UHMK1: variants seen among roughly 807,000 people sequenced by gnomAD.
UHMK1 encodes the protein serine/threonine-protein kinase Kist.
In UHMK1, 18 loss-of-function variants were observed where a neutral mutation model predicts 44.0. The ratio of observed to expected loss-of-function variants is 0.41; its 90% confidence interval spans 0.28 to 0.61. UHMK1 has a LOEUF of 0.61. Among genes scored for constraint, UHMK1 ranks in the 20% least tolerant of loss-of-function variants. The pLI, the probability that UHMK1 is intolerant of heterozygous loss-of-function variation, is 0.31. For synonymous variants in UHMK1, 231 were observed against 198.5 expected, an observed-to-expected ratio of 1.16 and a Z score of -1.38; for missense variants, 463 against 522.5, an observed-to-expected ratio of 0.89 and a Z score of 1.11.
chr1:162,517,846 C>T (rs1651887149), intron 6 of UHMK1, among the ~76,000 whole-genome samples: 1 of 151,880 alleles, frequency 6.6e-6, no homozygotes, highest in South Asian at 2.1e-4. Flanking sequence ...CACTGCACTC[C>T]AGCCTGGGGG....
Position 162,522,519 on chromosome 1 carries a change from A to G in UHMK1, c.1229A>G (p.Lys410Arg), listed in dbSNP as rs200173141. The change falls in exon 8 of 8, where the codon AAG (lysine) becomes AGG (arginine). Residue 410 changes from lysine to arginine, a missense_variant. By Grantham distance (26) the Lys-to-Arg change is conservative (BLOSUM62 2). This residue lies in a region of UHMK1 where 8 missense variants were observed against 20.2 expected (regional missense o/e 0.40). Transcript: ENST00000489294. ...VATFYPLSAY[K>R]RGYLYQTLL ...ACATTCTACCCGCTGAGTGCCTACAAGAGGGGATATCTGTATCAAACCTTG... is the reference window on the plus strand; with the variant it reads ...ACATTCTACCCGCTGAGTGCCTACAGGAGGGGATATCTGTATCAAACCTTG... The G allele has an allele frequency of 6.8e-6, 11 of 1,614,080 alleles. No individual in the cohort carries two copies. The highest frequency in any genetic ancestry group is 1.1e-5 in the South Asian group (1 of 91,078).
chr1:162,513,250 T>G (rs1212019280), intron 6 of UHMK1, among the ~76,000 whole-genome samples: 1 of 152,236 alleles, frequency 6.6e-6, no homozygotes, highest in Non-Finnish European at 1.5e-5. Flanking sequence ...CTCTCACTTT[T>G]TAATTCATAA....
chr1:162,505,254 A>T (rs1010357109), intron 4 of UHMK1, among the ~76,000 whole-genome samples: 1 of 152,172 alleles, frequency 6.6e-6, no homozygotes, highest in Non-Finnish European at 1.5e-5. Flanking sequence ...CCACTTCCAC[A>T]TATTGTCTTA....
At chr1:162,507,075 A>G (rs1651495211) in intron 4 of UHMK1, among the ~76,000 whole-genome samples, 1 of 150,718 alleles carries the variant, frequency 6.6e-6, no homozygotes, top group South Asian at 2.1e-4. Context: ...CCTCGTCTAC[A>G]TACGTTTGAT....
At position 162,498,281 on chromosome 1, in the gene UHMK1, G is replaced by C. The variant is rs1157084383; in HGVS notation, c.268+13G>C. 6.4e-7 allele frequency: 1 copy of C among 1,572,346 alleles called. No individual in the cohort carries two copies. The highest frequency in any genetic ancestry group is 1.2e-5 in the South Asian group (1 of 85,400). On this transcript the variant is annotated intron_variant, in intron 1 of 7. Transcript: ENST00000489294. ...CACAGAAACATCGGTAATTGCCGCTGTCTCCTTTCTCTTCTTGCCCAGGTC... is the reference window on the plus strand; with the variant it reads ...CACAGAAACATCGGTAATTGCCGCTCTCTCCTTTCTCTTCTTGCCCAGGTC...
intron 1 of UHMK1, among the ~76,000 whole-genome samples, chr1:162,499,098 C>G (rs533588287): frequency 1.3e-5 from 2 of 151,992 alleles, no homozygotes; most frequent in Non-Finnish European, 2.9e-5. Flanking sequence ...CTTGCCTGAT[C>G]TCTGCAAGAT....
rs1652277861 is a variant in UHMK1 at position 162,527,150 on chromosome 1, T to C, written c.*4600T>C. The C allele has an allele frequency of 6.6e-6, 1 of 152,186 alleles. No homozygotes were observed. The highest frequency in any genetic ancestry group is 1.9e-4 in the East Asian group (1 of 5,184). The allele number at this position is 152,186 out of a possible 1,614,324, so 9.4% of individuals were successfully genotyped here. On this transcript the variant is annotated 3_prime_UTR_variant, in exon 8 of 8. Coordinates refer to ENST00000489294, the MANE Select transcript of UHMK1 (RefSeq NM_175866.5). The stretch of plus-strand genomic sequence containing the variant: ...ATTTTAGTTTTTGGAGTACCCAGAA[T>C]TGTAAAGATTTTGTTTCATTTTGTT...
intron 4 of UHMK1, among the ~76,000 whole-genome samples, chr1:162,507,908 C>T (rs1017843451): frequency 6.6e-6 from 1 of 151,876 alleles, no homozygotes; most frequent in African/African-American, 2.4e-5. Flanking sequence ...TTAAAAATAT[C>T]CTCCTTTTTG....
Position 162,527,194 on chromosome 1 carries a change from C to G in UHMK1, c.*4644C>G, listed in dbSNP as rs908767031. 1 of 152,056 alleles carries G rather than the reference C, an allele frequency of 6.6e-6. No homozygotes were observed. Among genetic ancestry groups the G allele is most frequent in the African/African-American group, 2.4e-5 (1 of 41,438 alleles). The allele number at this position is 152,056 out of a possible 1,614,324, so 9.4% of individuals were successfully genotyped here. On this transcript the variant is annotated 3_prime_UTR_variant, in exon 8 of 8. Transcript: ENST00000489294. ...TTTTGTTTTAGGATAGCTTCTCTGC[C>G]TAATACTATAGGATATGTCATGTTC...
At chr1:162,512,391 C>G (rs531193700) in intron 4 of UHMK1, 109 bp from the exon 5 acceptor site, 1 of 839,560 alleles carries the variant, frequency 1.2e-6, no homozygotes, top group Admixed American at 2.6e-5. Context: ...ATAAATCATG[C>G]TAATATAATT....
intron 1 of UHMK1, 35 bp from the exon 2 acceptor site, chr1:162,499,920 T>C: frequency 6.2e-7 from 1 of 1,602,440 alleles, no homozygotes; most frequent in Non-Finnish European, 8.5e-7. Context: ...TTACTCTGAG[T>C]CTGATTTTTA....
At chr1:162,506,222 A>G (rs1156639715) in intron 4 of UHMK1, among the ~76,000 whole-genome samples, 1 of 28,430 alleles carries the variant, frequency 3.5e-5, no homozygotes, top group Non-Finnish European at 6.3e-5. Flanking sequence ...TTTAAATAAT[A>G]GCCCCCCCCC....
At chr1:162,520,005 C>A (rs937384634) in intron 7 of UHMK1, among the ~76,000 whole-genome samples, 14 of 152,122 alleles carry the variant, frequency 9.2e-5, no homozygotes, top group African/African-American at 3.1e-4. Flanking sequence ...CTCAAGTGAT[C>A]CTTCTGCCTC....
At chr1:162,504,881 T>C (rs1382335186) in intron 4 of UHMK1, among the ~76,000 whole-genome samples, 1 of 152,166 alleles carries the variant, frequency 6.6e-6, no homozygotes, top group East Asian at 1.9e-4. Flanking sequence ...TTCAAGCGAT[T>C]CTTGTGCCTC....
intron 4 of UHMK1, among the ~76,000 whole-genome samples, chr1:162,510,321 C>G (rs544388945): frequency 4.0e-4 from 61 of 152,272 alleles, no homozygotes; most frequent in African/African-American, 1.3e-3. Context: ...TTCTTTCTAT[C>G]TAACTGTAAT....
intron 1 of UHMK1, among the ~76,000 whole-genome samples, chr1:162,499,664 C>G (rs183148017): frequency 3.1e-4 from 47 of 152,142 alleles, no homozygotes; most frequent in Non-Finnish European, 5.1e-4. Flanking sequence ...GCTTGGCACT[C>G]CAAGTTCGTG....
intron 2 of UHMK1, 39 bp downstream of exon 2, chr1:162,500,286 T>C: frequency 1.3e-6 from 2 of 1,581,578 alleles, no homozygotes; most frequent in Non-Finnish European, 1.7e-6. Context: ...CAGTTTAAAA[T>C]GTAGTGGTTG....
At chr1:162,501,666 C>T (rs986486465) in intron 3 of UHMK1, among the ~76,000 whole-genome samples, 4 of 152,070 alleles carry the variant, frequency 2.6e-5, no homozygotes, top group Non-Finnish European at 4.4e-5. Context: ...AATGCATTTT[C>T]CTGAAGAAAC....
intron 3 of UHMK1, among the ~76,000 whole-genome samples, chr1:162,501,412 C>G (rs945591080): frequency 2.6e-5 from 4 of 152,218 alleles, no homozygotes; most frequent in Admixed American, 6.5e-5. Flanking sequence ...TCATGATGCA[C>G]CCGCCTGGGC....
Sources: allele counts gnomAD v4.1 joint callset (sites outside exome capture counted in the v4.1 genomes callset), GRCh38; gene constraint gnomAD v4.1.1; regional missense constraint gnomAD v4.1.1; transcripts MANE v1.5; gene names NCBI Gene and HGNC (gene_info 2026-07-23, HGNC 2026-07-21).